The following MUC5AC variants were observed in gnomAD, a reference collection of about 807,000 sequenced individuals.
MUC5AC encodes mucin 5AC, oligomeric mucus/gel-forming, also known as mucin-5AC.
MUC5AC carries 158 observed loss-of-function variants against 169.7 expected under a neutral mutation model. The ratio of observed to expected loss-of-function variants is 0.93; its 90% CI spans 0.82 to 1.06. MUC5AC has a LOEUF of 1.06. Ranked by LOEUF, MUC5AC falls within the 50% of genes least tolerant of loss-of-function variation. The pLI is 0.00. For missense variants in MUC5AC, 4,359 were observed against 3,089.9 expected, an observed-to-expected ratio of 1.41 and a Z score of -9.74; for synonymous variants, 1,975 against 1,237.0, an observed-to-expected ratio of 1.60 and a Z score of -12.52.
At position 1,162,987 on chromosome 11, in the gene MUC5AC, C is replaced by T. The variant is rs781756324; in HGVS notation, c.621C>T (p.Thr207=). 6.2e-7 allele frequency: 1 copy of T among 1,612,734 alleles called. No individual in the cohort carries two copies. The highest frequency in any genetic ancestry group is 1.1e-5 in the South Asian group (1 of 91,088). Residue 207 remains threonine, a synonymous_variant, in exon 6 of 49, where the codon ACC becomes ACT. Coordinates refer to ENST00000621226, the MANE Select transcript of MUC5AC (RefSeq NM_001304359.2). The part of the protein sequence containing the change: ...LELDTKYANK[T]CGLCGDFNGM... Reference sequence around the variant, plus strand: ...TGGACACCAAATACGCCAACAAGACCTGTGGGCTCTGTGGGGACTTCAACG... The same window carrying T: ...TGGACACCAAATACGCCAACAAGACTTGTGGGCTCTGTGGGGACTTCAACG...
intron 30 of MUC5AC, among the ~76,000 whole-genome samples, chr11:1,181,810 G>A (rs1486663967): frequency 3.9e-5 from 6 of 152,188 alleles, no homozygotes; most frequent in Non-Finnish European, 8.8e-5. Context: ...TCAGGGCTCA[G>A]GTACCCCCAT....
chr11:1,189,766 C>T lies in MUC5AC; in HGVS notation c.11621C>T (p.Ala3874Val), dbSNP rs1861043983. Residue 3874 changes from alanine to valine, a missense_variant, in exon 31 of 49, where the codon GCC becomes GTC. By Grantham distance (64) the Ala-to-Val change is moderately conservative. Coordinates refer to ENST00000621226, the MANE Select transcript of MUC5AC (RefSeq NM_001304359.2). ...TSAPTASTIS[A>V]PTTSTTSFHT... ...GCTCCTACAGCCAGCACAATCTCTG[C>T]CCCTACAACCAGCACAACCTCTTTC... 1 of 682,204 alleles carries T rather than the reference C, an allele frequency of 1.5e-6. No individual in the cohort carries two copies. Among genetic ancestry groups the T allele is most frequent in the Non-Finnish European group, 2.7e-6 (1 of 374,752 alleles). 42.3% of individuals were successfully genotyped at this position (682,204 alleles called of 1,614,324 possible). A position where few individuals can be genotyped will look rare whatever the true frequency, so the allele number is the denominator to read the frequency against.
chr11:1,194,473 C>G lies in MUC5AC; in HGVS notation c.15007-14C>G. 1 of 747,002 alleles carries G rather than the reference C, an allele frequency of 1.3e-6. No homozygotes were observed. Among genetic ancestry groups the G allele is most frequent in the East Asian group, 2.5e-5 (1 of 40,596 alleles). 46.3% of individuals were successfully genotyped at this position (747,002 alleles called of 1,614,324 possible). On this transcript the variant is annotated splice_polypyrimidine_tract_variant and intron_variant, in intron 34 of 48. Transcript: ENST00000621226. ...CTGCCTTCTGACTTCCCGTCGACCA[C>G]GCCCTGCGTCCAGATCATCTTCAAC...
At position 1,199,248 on chromosome 11, in the gene MUC5AC, C is replaced by A. The variant is rs1590155556; in HGVS notation, c.16395+63C>A. Reference sequence around the variant, plus strand: ...TGGGAGCACTGGGGCATGTGGGGACCTGTCGTTGCCAGGCATGCGTCTGGC... The same window carrying A: ...TGGGAGCACTGGGGCATGTGGGGACATGTCGTTGCCAGGCATGCGTCTGGC... On this transcript the variant is annotated intron_variant, in intron 45 of 48. Transcript: ENST00000621226. The A allele has an allele frequency of 4.5e-5, 32 of 712,726 alleles. 2 individuals carry two copies. The East Asian group carries it at 8.4e-4, about 19-fold the overall frequency. 44.2% of individuals were successfully genotyped at this position (712,726 alleles called of 1,614,324 possible).
rs1369688228 is a variant in MUC5AC, at chr11:1,179,099, C to T, written c.3335C>T (p.Pro1112Leu). The change falls in exon 26 of 49, where the codon CCG (proline) becomes CTG (leucine). Residue 1112 changes from proline (P) to leucine (L), a missense_variant. By Grantham distance (98) the Pro-to-Leu change is moderately conservative. Transcript: ENST00000621226. ...TFAACHAHVE[P>L]ARYYEACVND... ...AAGCCCCGTCTCCCTCAGGTGGAGC[C>T]GGCCAGGTACTACGAGGCCTGCGTG... is the stretch of plus-strand genomic sequence containing the variant. 28 of 567,822 alleles carry T rather than the reference C, an allele frequency of 4.9e-5. 1 individual carries two copies. The highest frequency in any genetic ancestry group is 4.4e-4 in the South Asian group (20 of 45,340). 35.2% of individuals were successfully genotyped at this position (567,822 alleles called of 1,614,324 possible).
intron 26 of MUC5AC, 73 bp downstream of exon 26, chr11:1,179,321 TGCGTGGGGTGTGTGGGGC>T: frequency 5.6e-6 from 2 of 359,282 alleles, no homozygotes; most frequent in Non-Finnish European, 9.2e-6. Flanking sequence ...TCGCCGCTGA[TGCGTGGGGTGTGTGGGGC>T]GGGTGGGGAA....
At position 1,200,697 on chromosome 11, in the gene MUC5AC, C is replaced by A; in HGVS notation, c.16960C>A (p.His5654Asn). The A allele has an allele frequency of 1.4e-6, 1 of 735,630 alleles. No homozygotes were observed. Among genetic ancestry groups the A allele is most frequent in the South Asian group, 1.4e-5 (1 of 72,086 alleles). 45.6% of individuals were successfully genotyped at this position (735,630 alleles called of 1,614,324 possible). A position where few individuals can be genotyped will look rare whatever the true frequency, so the allele number is the denominator to read the frequency against. ...WERGVPVSPM[H>N] Reference sequence around the variant, plus strand: ...GAGAGGCGTCCCAGTGTCCCCCATGCACTGACCAGCACTGCCGCCCTCCTG... The same window carrying A: ...GAGAGGCGTCCCAGTGTCCCCCATGAACTGACCAGCACTGCCGCCCTCCTG... Residue 5654 changes from histidine (H) to asparagine (N), a missense_variant, in exon 49 of 49, where the codon CAC (histidine) becomes AAC (asparagine). Coordinates refer to ENST00000621226, the MANE Select transcript of MUC5AC (RefSeq NM_001304359.2).
rs1334976594 is a variant in MUC5AC at position 1,188,415 on chromosome 11, T to C, written c.10270T>C (p.Ser3424Pro). 7.9e-6 allele frequency: 5 copies of C among 629,324 alleles called. No individual in the cohort carries two copies. Among genetic ancestry groups the C allele is most frequent in the East Asian group, 2.7e-5 (1 of 36,992 alleles). The allele number at this position is 629,324 out of a possible 1,614,324, so 39.0% of individuals were successfully genotyped here. The change falls in exon 31 of 49, where the codon TCT becomes CCT. Residue 3424 changes from serine (S) to proline (P), a missense_variant. Transcript: ENST00000621226. The part of the protein sequence containing the change: ...TTSAPTSSTI[S>P]ARTTSIISAP... ...CTCGGCTCCTACAAGCAGCACAATC[T>C]CTGCTCGTACAACCAGCATAATCTC...
At chr11:1,200,084 G>T (rs1861385137) in intron 48 of MUC5AC, 115 bp downstream of exon 48, 3 of 614,652 alleles carry the variant, frequency 4.9e-6, no homozygotes, top group Middle Eastern at 6.7e-4. Flanking sequence ...GCCAGGCAAA[G>T]GGCTCTGAGG....
chr11:1,194,603 C>T lies in MUC5AC; in HGVS notation c.15123C>T (p.Phe5041=), dbSNP rs761504501. ...TIPELGVQVM[F]SGLIFSVEVP... ...CGGAGCTGGGAGTCCAGGTCATGTT[C>T]TCCGGCCTCATCTTCTCCGTGGAGG... The change falls in exon 35 of 49, where the codon TTC becomes TTT. Residue 5041 remains phenylalanine (F), a synonymous_variant. Coordinates refer to ENST00000621226, the MANE Select transcript of MUC5AC (RefSeq NM_001304359.2). 7.8e-6 allele frequency: 6 copies of T among 764,520 alleles called. No homozygotes were observed. Among genetic ancestry groups the T allele is most frequent in the Non-Finnish European group, 1.4e-5 (6 of 417,624 alleles). 47.4% of individuals were successfully genotyped at this position (764,520 alleles called of 1,614,324 possible).
rs1449193431 is a variant in MUC5AC at position 1,176,855 on chromosome 11, G to C, written c.2655-73G>C. The stretch of plus-strand genomic sequence containing the variant: ...GTGTCTATGGTGCCAGGTCCCCCCA[G>C]GGGTAGGAAGGCTGCACCCAGTCAG... On this transcript the variant is annotated intron_variant, in intron 21 of 48. Transcript: ENST00000621226. The C allele has an allele frequency of 1.3e-5, 5 of 398,492 alleles. No individual in the cohort carries two copies. In the South Asian group the frequency reaches 6.4e-4, roughly 51 times the overall value. 24.7% of individuals were successfully genotyped at this position (398,492 alleles called of 1,614,324 possible). A position where few individuals can be genotyped will look rare whatever the true frequency, so the allele number is the denominator to read the frequency against.
rs541241572 is a variant in MUC5AC at position 1,199,772 on chromosome 11, C to G, written c.16585+8C>G. On this transcript the variant is annotated splice_region_variant and intron_variant, in intron 47 of 48. Transcript: ENST00000621226. Reference sequence around the variant, plus strand: ...CGCCCCCGTACCAGAACCGTGAGTACCCAGCCTGCTGGGCGGGGCGGGCTC... The same window carrying G: ...CGCCCCCGTACCAGAACCGTGAGTAGCCAGCCTGCTGGGCGGGGCGGGCTC... The G allele has an allele frequency of 8.4e-6, 6 of 714,208 alleles. No homozygotes were observed. Among genetic ancestry groups the G allele is most frequent in the South Asian group, 1.4e-5 (1 of 69,188 alleles). 44.2% of individuals were successfully genotyped at this position (714,208 alleles called of 1,614,324 possible).
Position 1,196,434 on chromosome 11 carries a change from C to G in MUC5AC, c.15684C>G (p.Ser5228Arg). The G allele has an allele frequency of 1.3e-6, 1 of 765,048 alleles. No homozygotes were observed. Among genetic ancestry groups the G allele is most frequent in the South Asian group, 1.3e-5 (1 of 74,632 alleles). 47.4% of individuals were successfully genotyped at this position (765,048 alleles called of 1,614,324 possible). Reference protein sequence around the residue: ...ADKVYQPCGPSNPSYCYGNDS... With the variant: ...ADKVYQPCGPRNPSYCYGNDS... ...AGGTGTACCAGCCCTGCGGCCCGAG[C>G]AACCCCTCCTACTGCTACGGGAATG... Residue 5228 changes from serine to arginine, a missense_variant, in exon 38 of 49, where the codon AGC becomes AGG. Ser to Arg is a moderately radical substitution (Grantham distance 110). Transcript: ENST00000621226.
Position 1,176,203 on chromosome 11 carries a change from C to A in MUC5AC, c.2454C>A (p.Asp818Glu), listed in dbSNP as rs1399356052. The A allele has an allele frequency of 5.0e-6, 2 of 398,676 alleles. No individual in the cohort carries two copies. The highest frequency in any genetic ancestry group is 4.4e-5 in the Admixed American group (1 of 22,746). The allele number at this position is 398,676 out of a possible 1,614,324, so 24.7% of individuals were successfully genotyped here. Residue 818 changes from aspartate to glutamate, a missense_variant, in exon 20 of 49, where the codon GAC (aspartate) becomes GAA (glutamate). Coordinates refer to ENST00000621226, the MANE Select transcript of MUC5AC (RefSeq NM_001304359.2). ...FFDCRNATPG[D>E]TGAGCQKSCH... ...ACTGCCGAAATGCCACGCCCGGGGA[C>A]ACAGGGGCTGGCTGTCAGAAGAGCT... is the stretch of plus-strand genomic sequence containing the variant.
In MUC5AC at chr11:1,197,989, C is replaced by T; in HGVS notation, c.16120C>T (p.Pro5374Ser). Residue 5374 changes from proline (P) to serine (S), a missense_variant, in exon 42 of 49, where the codon CCA becomes TCA. Coordinates refer to ENST00000621226, the MANE Select transcript of MUC5AC (RefSeq NM_001304359.2). The stretch of plus-strand genomic sequence containing the variant: ...GACCTACCAGGAGGGGGCCTGCTGC[C>T]CAGTCCAAAACTGCAGTGAGTGGCC... Reference protein sequence around the residue: ...IPTYQEGACCPVQNCSWTVCS... With the variant: ...IPTYQEGACCSVQNCSWTVCS... The T allele has an allele frequency of 1.4e-6, 1 of 719,178 alleles. No homozygotes were observed. Among genetic ancestry groups the T allele is most frequent in the East Asian group, 2.5e-5 (1 of 39,596 alleles). 44.5% of individuals were successfully genotyped at this position (719,178 alleles called of 1,614,324 possible).
chr11:1,186,054 A>C lies in MUC5AC; in HGVS notation c.7909A>C (p.Ser2637Arg). The C allele has an allele frequency of 1.4e-6, 1 of 739,794 alleles. No individual in the cohort carries two copies. The highest frequency in any genetic ancestry group is 2.5e-6 in the Non-Finnish European group (1 of 405,282). 45.8% of individuals were successfully genotyped at this position (739,794 alleles called of 1,614,324 possible). ...SRISGPETTP[S>R]PVPTASTTSA... ...AATCTCTGGTCCTGAAACTACTCCC[A>C]GCCCTGTTCCTACCGCCAGCACAAC... The change falls in exon 31 of 49, where the codon AGC becomes CGC. Residue 2637 changes from serine (S) to arginine (R), a missense_variant. Transcript: ENST00000621226.
chr11:1,196,752 G>A (rs769610216), intron 39 of MUC5AC, 32 bp downstream of exon 39: 2 of 734,534 alleles, frequency 2.7e-6, no homozygotes, highest in Admixed American at 3.7e-5. Flanking sequence ...TGGGGGGTGT[G>A]GCAGGACTGG....
rs532358932 is a variant in MUC5AC, at chr11:1,161,921, C to A, written c.226C>A (p.His76Asn). The A allele has an allele frequency of 3.1e-6, 5 of 1,611,840 alleles. No individual in the cohort carries two copies. In the East Asian group the frequency reaches 8.9e-5, roughly 29 times the overall value. ...IPVVRASNPAHNGRVCSTWGS... is the reference protein window; with the variant it reads ...IPVVRASNPANNGRVCSTWGS... ...TTCCACCGCAGCCTCCAACCCGGCGCACAACGGGCGGGTGTGCAGCACCTG... is the reference window on the plus strand; with the variant it reads ...TTCCACCGCAGCCTCCAACCCGGCGAACAACGGGCGGGTGTGCAGCACCTG... Residue 76 changes from histidine to asparagine, a missense_variant, in exon 4 of 49, where the codon CAC (histidine) becomes AAC (asparagine). His to Asn is a moderately conservative substitution (Grantham distance 68, BLOSUM62 1). Transcript: ENST00000621226.
At position 1,187,770 on chromosome 11, in the gene MUC5AC, A is replaced by G. The variant is rs1554928346; in HGVS notation, c.9625A>G (p.Ile3209Val). The G allele has an allele frequency of 7.3e-5, 56 of 764,926 alleles. No individual in the cohort carries two copies. Among genetic ancestry groups the G allele is most frequent in the Non-Finnish European group, 9.6e-5 (40 of 417,866 alleles). 47.4% of individuals were successfully genotyped at this position (764,926 alleles called of 1,614,324 possible). Residue 3209 changes from isoleucine (I) to valine (V), a missense_variant, in exon 31 of 49, where the codon ATA becomes GTA. Transcript: ENST00000621226. ...VSKTSTSHVS[I>V]SKTTHSQPVT... is the part of the protein sequence containing the mutation. ...AAAGACCAGCACAAGCCATGTTTCC[A>G]TATCCAAGACAACCCACTCCCAACC...
Sources: gnomAD v4.1 joint callset for allele counts (sites outside exome capture counted in the v4.1 genomes callset) on GRCh38, gnomAD v4.1.1 for gene constraint, MANE v1.5 for transcripts, NCBI Gene and HGNC (gene_info 2026-07-23, HGNC 2026-07-21) for gene names.